Variants in OPCML observed in about 807,000 individuals in gnomAD.
The protein encoded by OPCML is opioid-binding protein/cell adhesion molecule.
In OPCML, 13 loss-of-function variants were observed where a neutral mutation model predicts 37.8. That is an observed-to-expected ratio of 0.34 (90% CI 0.22 to 0.55). The LOEUF is 0.55. Ranked by LOEUF, OPCML falls within the 20% of genes least tolerant of loss-of-function variation. The pLI is 0.91. For synonymous variants in OPCML, 176 were observed against 168.8 expected (o/e 1.04, Z -0.33); for missense variants, 341 against 435.6 (o/e 0.78, Z 1.93).
At chr11:132,855,579 C>T (rs1388000005) in intron 2 of OPCML, among the ~76,000 whole-genome samples, 1 of 152,106 alleles carries the variant, frequency 6.6e-6, no homozygotes, top group Non-Finnish European at 1.5e-5. Context: ...GATTGCTGGG[C>T]CACATGGTAA....
chr11:133,349,112 A>T (rs151171234), intron 1 of OPCML, among the ~76,000 whole-genome samples: 1 of 152,216 alleles, frequency 6.6e-6, no homozygotes, highest in African/African-American at 2.4e-5. Context: ...GTGCATGTGC[A>T]TGGTAACCAC....
chr11:133,055,712 G>A (rs1229596385), intron 1 of OPCML, among the ~76,000 whole-genome samples: 1 of 151,262 alleles, frequency 6.6e-6, no homozygotes, highest in Non-Finnish European at 1.5e-5. Context: ...CCCCATGAGG[G>A]AGCCACCTCT....
At chr11:133,497,355 T>G (rs1222689394) in intron 1 of OPCML, among the ~76,000 whole-genome samples, 1 of 152,228 alleles carries the variant, frequency 6.6e-6, no homozygotes, top group African/African-American at 2.4e-5. Flanking sequence ...CAAAGTTTCC[T>G]GAATTTTTGA....
chr11:132,675,155 ATG>A (rs35219821), intron 2 of OPCML, among the ~76,000 whole-genome samples: 106 of 144,046 alleles, frequency 7.4e-4, no homozygotes, highest in South Asian at 8.8e-4. Context: ...ATATATATGT[ATG>A]TGTGTGTGTG....
At chr11:133,050,871 T>A (rs1948117870) in intron 1 of OPCML, among the ~76,000 whole-genome samples, 2 of 152,206 alleles carry the variant, frequency 1.3e-5, no homozygotes, top group African/African-American at 2.4e-5. Flanking sequence ...ATTATTCACA[T>A]CAGCCTCTGC....
intron 3 of OPCML, among the ~76,000 whole-genome samples, chr11:132,645,407 T>G (rs993789360): frequency 1.3e-5 from 2 of 152,244 alleles, no homozygotes; most frequent in African/African-American, 4.8e-5. Context: ...TCCTAAAATC[T>G]TAAAAGCATA....
intron 1 of OPCML, among the ~76,000 whole-genome samples, chr11:132,968,368 G>T (rs1292475264): frequency 2.0e-5 from 3 of 152,202 alleles, no homozygotes; most frequent in Non-Finnish European, 4.4e-5. Flanking sequence ...GAGCCTTCTT[G>T]CTGGTGGGGC....
intron 3 of OPCML, among the ~76,000 whole-genome samples, chr11:132,634,955 T>G (rs545156988): frequency 6.6e-6 from 1 of 152,152 alleles, no homozygotes; most frequent in African/African-American, 2.4e-5. Context: ...CTTACTATGT[T>G]GTAAGACCAG....
chr11:133,351,128 G>A (rs892178323), intron 1 of OPCML, among the ~76,000 whole-genome samples: 12 of 152,150 alleles, frequency 7.9e-5, no homozygotes, highest in East Asian at 1.9e-4. Context: ...TGGCTTTCCC[G>A]CGATTTGCCA....
intron 1 of OPCML, among the ~76,000 whole-genome samples, chr11:133,057,654 T>A (rs1349655579): frequency 6.6e-6 from 1 of 152,184 alleles, no homozygotes; most frequent in Non-Finnish European, 1.5e-5. Flanking sequence ...TTGCCCTTTT[T>A]TCAAAGGACA....
intron 3 of OPCML, among the ~76,000 whole-genome samples, chr11:132,625,818 A>C (rs1447834230): frequency 1.3e-5 from 2 of 152,114 alleles, no homozygotes; most frequent in Non-Finnish European, 2.9e-5. Flanking sequence ...CCATACATGC[A>C]AATATCTTTC....
chr11:132,715,219 T>A (rs2135961192), intron 2 of OPCML, among the ~76,000 whole-genome samples: 1 of 152,332 alleles, frequency 6.6e-6, no homozygotes, highest in South Asian at 2.1e-4. Context: ...TGGGAATAGT[T>A]TAACTGGCTC....
At chr11:133,030,638 C>T (rs1947648416) in intron 1 of OPCML, among the ~76,000 whole-genome samples, 1 of 152,104 alleles carries the variant, frequency 6.6e-6, no homozygotes, top group Non-Finnish European at 1.5e-5. Context: ...AAATGCAGCC[C>T]CCTGCTTCAT....
At chr11:133,269,045 C>G (rs1200700662) in intron 1 of OPCML, among the ~76,000 whole-genome samples, 1 of 152,152 alleles carries the variant, frequency 6.6e-6, no homozygotes, top group Non-Finnish European at 1.5e-5. Context: ...TAACAATATT[C>G]CACCTGTTCA....
At chr11:133,051,060 C>CAG (rs1948121531) in intron 1 of OPCML, among the ~76,000 whole-genome samples, 1 of 103,798 alleles carries the variant, frequency 9.6e-6, no homozygotes, top group Non-Finnish European at 2.2e-5. Flanking sequence ...TGTGTACATA[C>CAG]ACACACACAC....
chr11:132,716,050 A>G (rs1409358988), intron 2 of OPCML, among the ~76,000 whole-genome samples: 1 of 152,264 alleles, frequency 6.6e-6, no homozygotes, highest in Non-Finnish European at 1.5e-5. Context: ...AGCACAAGAT[A>G]TACTTTCTAA....
chr11:132,680,351 T>C (rs1408693273), intron 2 of OPCML, among the ~76,000 whole-genome samples: 2 of 152,082 alleles, frequency 1.3e-5, no homozygotes, highest in Non-Finnish European at 2.9e-5. Flanking sequence ...TCACCAAGTA[T>C]AAAGGAGTAA....
intron 1 of OPCML, among the ~76,000 whole-genome samples, chr11:133,045,651 C>T (rs1167091894): frequency 6.6e-6 from 1 of 152,232 alleles, no homozygotes; most frequent in Non-Finnish European, 1.5e-5. Context: ...CTTCTTCCCT[C>T]TCCCAATCAG....
intron 2 of OPCML, among the ~76,000 whole-genome samples, chr11:132,875,346 A>G (rs764087515): frequency 5.9e-5 from 9 of 152,208 alleles, no homozygotes; most frequent in Non-Finnish European, 1.0e-4. Flanking sequence ...CAAAATTATA[A>G]ATTGTTATAT....
Sources: allele counts gnomAD v4.1 joint callset (sites outside exome capture counted in the v4.1 genomes callset), GRCh38; gene constraint gnomAD v4.1.1; transcripts MANE v1.5; gene names NCBI Gene and HGNC (gene_info 2026-07-23, HGNC 2026-07-21).